TIAM1: variants seen among roughly 807,000 people sequenced by gnomAD.
TIAM1 encodes rho guanine nucleotide exchange factor TIAM1.
A neutral mutation model predicts 163.5 loss-of-function variants in TIAM1; 65 were observed. That is an observed-to-expected ratio of 0.40 (90% CI 0.33 to 0.49). The LOEUF is 0.49. Among genes scored for constraint, TIAM1 ranks in the 20% least tolerant of loss-of-function variants. The probability of loss-of-function intolerance (pLI) is 0.77; values close to 1 mark genes in which losing one functional copy is unlikely to be tolerated. For synonymous variants in TIAM1, 833 were observed against 810.1 expected, an observed-to-expected ratio of 1.03 and a Z score of -0.48; for missense variants, 1,789 against 2,044.7, an observed-to-expected ratio of 0.87 and a Z score of 2.41.
intron 2 of TIAM1, among the ~76,000 whole-genome samples, chr21:31,385,555 A>T (rs915759858): frequency 6.6e-6 from 1 of 151,978 alleles, no homozygotes; most frequent in East Asian, 1.9e-4. Flanking sequence ...CAAGTGAAAC[A>T]TTCATCAGAA....
chr21:31,263,751 G>A, intron 4 of TIAM1, among the ~76,000 whole-genome samples: 1 of 152,080 alleles, frequency 6.6e-6, no homozygotes, highest in East Asian at 1.9e-4. Context: ...AAAGTCCAAG[G>A]TGATGTTCTG....
chr21:31,340,041 T>C (rs2075967993), intron 1 of TIAM1, among the ~76,000 whole-genome samples: 2 of 151,912 alleles, frequency 1.3e-5, no homozygotes, highest in South Asian at 4.2e-4. Context: ...AACTCCACAC[T>C]TGAAGCTGAT....
intron 1 of TIAM1, among the ~76,000 whole-genome samples, chr21:31,509,045 A>C: frequency 6.6e-6 from 1 of 152,136 alleles, no homozygotes; most frequent in African/African-American, 2.4e-5. Flanking sequence ...GGAGGGAATG[A>C]GTCTTAAAGC....
chr21:31,154,378 G>A lies in TIAM1; in HGVS notation c.3040C>T (p.Pro1014Ser), dbSNP rs756732188. ...AFCRSLHEMN[P>S]SDQSPSPQDS... ...TGAGGAGATGGGCTCTGGTCAGAGGGGTTCATCTCATGCAAACTGCGGCAA... is the reference window on the plus strand; with the variant it reads ...TGAGGAGATGGGCTCTGGTCAGAGGAGTTCATCTCATGCAAACTGCGGCAA... Residue 1014 changes from proline to serine, a missense_variant, in exon 17 of 28, where the codon CCC becomes TCC. Physicochemically the swap from Pro to Ser is moderately conservative, Grantham distance 74 (BLOSUM62 -1). Coordinates refer to ENST00000541036, the MANE Select transcript of TIAM1 (RefSeq NM_001353694.2). 2 of 1,613,972 alleles carry A rather than the reference G, an allele frequency of 1.2e-6. No individual in the cohort carries two copies. The highest frequency in any genetic ancestry group is 2.7e-5 in the African/African-American group (2 of 74,910).
chr21:31,205,334 T>G (rs910872880), intron 11 of TIAM1, among the ~76,000 whole-genome samples: 2 of 152,024 alleles, frequency 1.3e-5, no homozygotes, highest in Non-Finnish European at 2.9e-5. Context: ...CAGGAACAAA[T>G]TCACTTGGAA....
chr21:31,270,956 T>C (rs1362270367), intron 3 of TIAM1, among the ~76,000 whole-genome samples: 4 of 152,180 alleles, frequency 2.6e-5, no homozygotes, highest in Non-Finnish European at 5.9e-5. Flanking sequence ...AAATGTCCCC[T>C]GGTCAAGGAG....
At chr21:31,140,190 T>G (rs2082784195) in intron 22 of TIAM1, among the ~76,000 whole-genome samples, 1 of 152,230 alleles carries the variant, frequency 6.6e-6, no homozygotes, top group African/African-American at 2.4e-5. Context: ...TTAGTATCTC[T>G]GGAGATAAGG....
chr21:31,180,428 T>C (rs1241318305), intron 15 of TIAM1, among the ~76,000 whole-genome samples: 1 of 152,070 alleles, frequency 6.6e-6, no homozygotes, highest in East Asian at 1.9e-4. Context: ...AGACAAGGTG[T>C]AAATGAATGG....
chr21:31,291,833 C>G (rs553460364), intron 2 of TIAM1, among the ~76,000 whole-genome samples: 6 of 152,142 alleles, frequency 3.9e-5, no homozygotes, highest in Non-Finnish European at 8.8e-5. Flanking sequence ...GAATTCCATG[C>G]CTGTATAACC....
intron 13 of TIAM1, among the ~76,000 whole-genome samples, chr21:31,190,465 C>A (rs751453679): frequency 6.6e-6 from 1 of 151,986 alleles, no homozygotes; most frequent in African/African-American, 2.4e-5. Flanking sequence ...GATTCCTCAA[C>A]CTAGAAAAAC....
chr21:31,286,817 T>C (rs1290507126), intron 2 of TIAM1, among the ~76,000 whole-genome samples: 1 of 152,186 alleles, frequency 6.6e-6, no homozygotes, highest in Non-Finnish European at 1.5e-5. Flanking sequence ...AGGTTGAAAC[T>C]TGAGGACTTT....
intron 2 of TIAM1, among the ~76,000 whole-genome samples, chr21:31,280,289 G>A (rs2073491824): frequency 6.6e-6 from 1 of 152,174 alleles, no homozygotes; most frequent in Admixed American, 6.5e-5. Context: ...TTCTTGTGCT[G>A]TTCTCCCAAT....
intron 1 of TIAM1, among the ~76,000 whole-genome samples, chr21:31,550,366 T>C (rs993392109): frequency 6.6e-6 from 1 of 151,806 alleles, no homozygotes; most frequent in African/African-American, 2.4e-5. Flanking sequence ...TGATGCTAAA[T>C]GAAAGAAGCC....
At chr21:31,288,091 C>T (rs1198803741) in intron 2 of TIAM1, among the ~76,000 whole-genome samples, 1 of 152,078 alleles carries the variant, frequency 6.6e-6, no homozygotes, top group Non-Finnish European at 1.5e-5. Flanking sequence ...ACACCTTCCA[C>T]TCTGAGGTAT....
chr21:31,281,553 C>T (rs1382678714), intron 2 of TIAM1, among the ~76,000 whole-genome samples: 1 of 152,136 alleles, frequency 6.6e-6, no homozygotes, highest in Non-Finnish European at 1.5e-5. Flanking sequence ...GATCAAAATC[C>T]TAAACATGTA....
intron 4 of TIAM1, 86 bp from the exon 5 acceptor site, chr21:31,252,275 G>C: frequency 1.1e-5 from 16 of 1,396,466 alleles, no homozygotes; most frequent in Non-Finnish European, 1.5e-5. Context: ...CCTGGGTCCA[G>C]CCAGGGCTCT....
chr21:31,251,931 G>A lies in TIAM1; in HGVS notation c.1222C>T (p.His408Tyr). ...GTGCCGCTGCTCTGCTCATCGCTGTGCGCCGAGCCGGCCTCCTCCAGGCTC... is the reference window on the plus strand; with the variant it reads ...GTGCCGCTGCTCTGCTCATCGCTGTACGCCGAGCCGGCCTCCTCCAGGCTC... ...SESLEEAGSA[H>Y]SDEQSSGTLS... Residue 408 changes from histidine (H) to tyrosine (Y), a missense_variant, in exon 5 of 28, where the codon CAC becomes TAC. His to Tyr is a moderately conservative substitution (Grantham distance 83). Transcript: ENST00000541036. 1 of 1,613,718 alleles carries A rather than the reference G, an allele frequency of 6.2e-7. No individual in the cohort carries two copies.
chr21:31,370,363 G>A (rs1446526856), intron 2 of TIAM1, among the ~76,000 whole-genome samples: 1 of 152,184 alleles, frequency 6.6e-6, no homozygotes, highest in African/African-American at 2.4e-5. Context: ...AACCCAGACA[G>A]AGGCTGGAAC....
At chr21:31,195,199 CACAA>C (rs747352638) in intron 13 of TIAM1, 21 bp downstream of exon 13, 20 of 1,576,200 alleles carry the variant, frequency 1.3e-5, no homozygotes, top group African/African-American at 4.1e-5. Context: ...TACCTTAAAA[CACAA>C]ACAAAGAAAA....
Sources: allele counts gnomAD v4.1 joint callset (sites outside exome capture counted in the v4.1 genomes callset), GRCh38; gene constraint gnomAD v4.1.1; transcripts MANE v1.5; gene names NCBI Gene and HGNC (gene_info 2026-07-23, HGNC 2026-07-21).